The following DENND1A variants were observed in gnomAD, a reference collection of about 807,000 sequenced individuals.
DENND1A encodes DENN domain containing 1A.
Under a neutral mutation model 113.7 loss-of-function variants are expected in DENND1A, and 51 were observed. The observed-to-expected ratio is 0.45, with a 90% CI of 0.36 to 0.57. The LOEUF (loss-of-function observed/expected upper bound fraction) is 0.57, where lower values mean the gene tolerates loss of function less well. Among genes scored for constraint, DENND1A ranks in the 20% least tolerant of loss-of-function variants. DENND1A has a pLI of 0.00. For missense variants in DENND1A, 1,258 were observed against 1,395.9 expected (o/e 0.90, Z 1.57); for synonymous variants, 565 against 570.8 (o/e 0.99, Z 0.14).
chr9:123,926,068 C>T lies in DENND1A; in HGVS notation c.17+3821G>A, dbSNP rs533618268. Among the ~76,000 whole-genome samples, 12 of 152,296 alleles carry T rather than the reference C, an allele frequency of 7.9e-5. No individual in the cohort carries two copies. The South Asian group carries it at 2.1e-3, about 26-fold the overall frequency. On this transcript the variant is annotated intron_variant, in intron 1 of 23. Coordinates refer to ENST00000394215, the MANE Select transcript of DENND1A (RefSeq NM_001352964.2). The stretch of plus-strand genomic sequence containing the variant: ...GCTTCATATTAACCACATTCCAGTC[C>T]ACTGGGATCATTCAAACACTAAATA...
intron 2 of DENND1A, among the ~76,000 whole-genome samples, chr9:123,862,907 T>G (rs190431965): frequency 1.3e-5 from 2 of 152,350 alleles, no homozygotes; most frequent in East Asian, 1.9e-4. Context: ...TGGTCAACAT[T>G]AAGATCTTGC....
Position 123,678,160 on chromosome 9 carries a change from T to A in DENND1A, c.303-1371A>T, listed in dbSNP as rs2064211735. Among the ~76,000 whole-genome samples, 2 of 152,214 alleles carry A rather than the reference T, an allele frequency of 1.3e-5. 1 individual carries two copies. The highest frequency in any genetic ancestry group is 4.1e-4 in the South Asian group (2 of 4,830). The stretch of plus-strand genomic sequence containing the variant: ...CCACATGATGCAGTCCTCAATGGCA[T>A]GTCTGTTTTCTCAACAGACCACATG... On this transcript the variant is annotated intron_variant, in intron 5 of 23. Transcript: ENST00000394215.
At chr9:123,488,736 T>C (rs1232424018) in intron 13 of DENND1A, among the ~76,000 whole-genome samples, 1 of 152,194 alleles carries the variant, frequency 6.6e-6, no homozygotes, top group African/African-American at 2.4e-5. Flanking sequence ...GACGTTAACA[T>C]TACATAAAGT....
intron 16 of DENND1A, 48 bp downstream of exon 16, chr9:123,454,691 G>C: frequency 6.5e-7 from 1 of 1,542,492 alleles, no homozygotes; most frequent in African/African-American, 1.4e-5. Flanking sequence ...AGGCTGCCAG[G>C]AAGCTAAGGA....
chr9:123,793,607 A>G (rs1179647253), intron 2 of DENND1A, among the ~76,000 whole-genome samples: 6 of 152,156 alleles, frequency 3.9e-5, no homozygotes, highest in Admixed American at 2.6e-4. Context: ...AATATATGCT[A>G]CCCATGGCTA....
chr9:123,460,411 G>A (rs2048437218), intron 13 of DENND1A, among the ~76,000 whole-genome samples: 1 of 152,156 alleles, frequency 6.6e-6, no homozygotes, highest in Non-Finnish European at 1.5e-5. Context: ...ATCCACTGAT[G>A]ACTCCTGACA....
intron 13 of DENND1A, among the ~76,000 whole-genome samples, chr9:123,542,434 G>A (rs1447880820): frequency 5.3e-5 from 8 of 152,130 alleles, no homozygotes; most frequent in Non-Finnish European, 8.8e-5. Flanking sequence ...TCATTTGCCT[G>A]GGGAAGGGAT....
chr9:123,619,082 G>A (rs944263642), intron 10 of DENND1A, among the ~76,000 whole-genome samples: 1 of 152,092 alleles, frequency 6.6e-6, no homozygotes, highest in African/African-American at 2.4e-5. Context: ...GAGTAGCTGG[G>A]ATTACAGGCA....
chr9:123,857,635 C>T (rs1844415878), intron 2 of DENND1A, among the ~76,000 whole-genome samples: 1 of 152,164 alleles, frequency 6.6e-6, no homozygotes, highest in African/African-American at 2.4e-5. Flanking sequence ...AATATTTCCA[C>T]TCAAGATGCT....
rs118153160 is a variant in DENND1A at position 123,682,353 on chromosome 9, G to A, written c.303-5564C>T. ...AGCTGCTTGTGTTCATGTCGGGACT[G>A]ATGAGTTTAAAAGTAACATGACACA... On this transcript the variant is annotated intron_variant, in intron 5 of 23. Transcript: ENST00000394215. Among the ~76,000 whole-genome samples, 461 of 152,312 alleles carry A rather than the reference G, an allele frequency of 3.0e-3. 1 individual carries two copies. Among genetic ancestry groups the A allele is most frequent in the Non-Finnish European group, 4.7e-3 (318 of 68,016 alleles).
At chr9:123,757,378 A>G (rs1024109344) in intron 5 of DENND1A, among the ~76,000 whole-genome samples, 2 of 152,214 alleles carry the variant, frequency 1.3e-5, no homozygotes, top group Non-Finnish European at 2.9e-5. Context: ...TGTCCAAGAG[A>G]AAGTCTAACA....
At chr9:123,637,736 T>C (rs2061778529) in intron 9 of DENND1A, among the ~76,000 whole-genome samples, 2 of 152,136 alleles carry the variant, frequency 1.3e-5, no homozygotes, top group African/African-American at 4.8e-5. Flanking sequence ...ATGCCGGACA[T>C]GTGAGTAGAA....
chr9:123,775,388 T>C (rs1232879926), intron 3 of DENND1A, among the ~76,000 whole-genome samples: 1 of 152,132 alleles, frequency 6.6e-6, no homozygotes, highest in African/African-American at 2.4e-5. Flanking sequence ...ATGTTATCAA[T>C]ATTTCTGAAA....
At chr9:123,625,455 GAA>G (rs1487254283) in intron 10 of DENND1A, among the ~76,000 whole-genome samples, 1 of 152,224 alleles carries the variant, frequency 6.6e-6, no homozygotes, top group African/African-American at 2.4e-5. Context: ...ATAGAAAGCT[GAA>G]GTTGGGCCAC....
At chr9:123,389,001 AC>A (rs1052394447) in intron 21 of DENND1A, among the ~76,000 whole-genome samples, 14 of 151,436 alleles carry the variant, frequency 9.2e-5, no homozygotes, top group African/African-American at 3.2e-4. Flanking sequence ...CTCTCCCCTC[AC>A]CCCCCAGCCC....
chr9:123,639,225 G>T (rs544013329), intron 9 of DENND1A, among the ~76,000 whole-genome samples: 2 of 151,746 alleles, frequency 1.3e-5, no homozygotes, highest in South Asian at 4.2e-4. Flanking sequence ...ATCACTTCAG[G>T]TCAGGAGTTC....
At chr9:123,573,310 T>C (rs2058458992) in intron 12 of DENND1A, among the ~76,000 whole-genome samples, 1 of 152,160 alleles carries the variant, frequency 6.6e-6, no homozygotes, top group South Asian at 2.1e-4. Context: ...TTGTGAAGTT[T>C]ACCAAAAAGA....
intron 2 of DENND1A, among the ~76,000 whole-genome samples, chr9:123,821,793 A>T (rs1838518071): frequency 6.6e-6 from 1 of 152,230 alleles, no homozygotes; most frequent in South Asian, 2.1e-4. Context: ...GAGGACAAGC[A>T]CACAAATACC....
At chr9:123,432,506 G>C (rs568101381) in intron 19 of DENND1A, among the ~76,000 whole-genome samples, 4 of 152,354 alleles carry the variant, frequency 2.6e-5, no homozygotes, top group Admixed American at 2.6e-4. Flanking sequence ...AGTGGGCACA[G>C]AGGCCGGATC....
Sources: allele counts gnomAD v4.1 joint callset (sites outside exome capture counted in the v4.1 genomes callset), GRCh38; gene constraint gnomAD v4.1.1; transcripts MANE v1.5; gene names NCBI Gene and HGNC (gene_info 2026-07-23, HGNC 2026-07-21).